PALLD: variants seen among roughly 807,000 people sequenced by gnomAD.
PALLD encodes the protein palladin.
Under a neutral mutation model 123.5 loss-of-function variants are expected in PALLD, and 61 were observed. The ratio of observed to expected loss-of-function variants is 0.49; its 90% CI spans 0.40 to 0.61. The LOEUF (loss-of-function observed/expected upper bound fraction) is 0.61. PALLD is among the 20% of genes least tolerant of loss of function. PALLD has a pLI of 0.00. For synonymous variants in PALLD, 465 were observed against 496.4 expected (o/e 0.94, Z 0.84); for missense variants, 1,273 against 1,377.0 (o/e 0.92, Z 1.20).
At chr4:168,507,298 G>C (rs573043765) in intron 1 of PALLD, 1 of 176,686 alleles carries the variant, frequency 5.7e-6, no homozygotes, top group South Asian at 2.0e-4. Flanking sequence ...CAATTACCAA[G>C]TTCTTTCCTT....
intron 2 of PALLD, among the ~76,000 whole-genome samples, chr4:168,519,145 A>C (rs2149447709): frequency 6.6e-6 from 1 of 152,324 alleles, no homozygotes; most frequent in East Asian, 1.9e-4. Flanking sequence ...AGTAGTACAG[A>C]GAAATGTGTG....
chr4:168,584,105 C>A (rs1770566513), intron 2 of PALLD, among the ~76,000 whole-genome samples: 2 of 152,152 alleles, frequency 1.3e-5, no homozygotes, highest in South Asian at 4.1e-4. Context: ...TATCCCTATC[C>A]CACTTTTATT....
At position 168,858,797 on chromosome 4, in the gene PALLD, T is replaced by TAA. The variant is rs35301228; in HGVS notation, c.1965-32115_1965-32114dup. On this transcript the variant is annotated intron_variant, in intron 10 of 21. Coordinates refer to ENST00000505667, the MANE Select transcript of PALLD (RefSeq NM_001166108.2). ...ACCCAGTCTCAAAAAAAATAAAAAT[T>TAA]AAAAAAAAAAATCCAGAGTGGGCTT... Among the ~76,000 whole-genome samples the TAA allele has an allele frequency of 1.0e-3, 156 of 149,026 alleles. 2 individuals are homozygous for TAA. The highest frequency in any genetic ancestry group is 7.0e-3 in the Middle Eastern group (2 of 286).
At chr4:168,888,810 C>T (rs1031927527) in intron 10 of PALLD, among the ~76,000 whole-genome samples, 1 of 152,106 alleles carries the variant, frequency 6.6e-6, no homozygotes, top group African/African-American at 2.4e-5. Context: ...GGTGAACACT[C>T]AGCAAAATTA....
intron 10 of PALLD, among the ~76,000 whole-genome samples, chr4:168,835,071 T>C (rs1744938422): frequency 6.6e-6 from 1 of 152,234 alleles, no homozygotes; most frequent in South Asian, 2.1e-4. Context: ...GTCCAAACAA[T>C]TGTTGATTTC....
intron 9 of PALLD, 144 bp from the exon 10 acceptor site, chr4:168,711,437 C>T (rs1489609291): frequency 1.5e-6 from 1 of 684,112 alleles, no homozygotes; most frequent in Non-Finnish European, 2.6e-6. Flanking sequence ...GGCAGTGCTT[C>T]TGCGTCAGAT....
At chr4:168,526,465 G>A (rs1764056361) in intron 2 of PALLD, among the ~76,000 whole-genome samples, 2 of 152,148 alleles carry the variant, frequency 1.3e-5, no homozygotes, top group South Asian at 4.1e-4. Flanking sequence ...GAGGAGTTGG[G>A]TTCATCTTCT....
At chr4:168,794,518 A>ATG (rs1738200462) in intron 10 of PALLD, among the ~76,000 whole-genome samples, 2 of 148,022 alleles carry the variant, frequency 1.4e-5, no homozygotes, top group Admixed American at 6.7e-5. Flanking sequence ...ACACACACAC[A>ATG]CACACACACA....
At chr4:168,860,550 G>T (rs922612366) in intron 10 of PALLD, among the ~76,000 whole-genome samples, 3 of 152,196 alleles carry the variant, frequency 2.0e-5, no homozygotes, top group African/African-American at 4.8e-5. Context: ...AGAGCCAGGC[G>T]CAGTGGCTAC....
chr4:168,681,540 ATTT>A (rs34328020), intron 4 of PALLD, 142 bp downstream of exon 4: 9,240 of 329,364 alleles, frequency 0.028, 38 homozygotes, highest in African/African-American at 0.065. Context: ...TTGGAACACA[ATTT>A]TTTTTTTTTT....
At chr4:168,538,586 T>C (rs1459437446) in intron 2 of PALLD, among the ~76,000 whole-genome samples, 1 of 152,162 alleles carries the variant, frequency 6.6e-6, no homozygotes, top group African/African-American at 2.4e-5. Flanking sequence ...CTGTGACAGG[T>C]CATTCCAGAA....
chr4:168,553,816 C>T (rs1177038739), intron 2 of PALLD, among the ~76,000 whole-genome samples: 2 of 152,076 alleles, frequency 1.3e-5, no homozygotes, highest in Non-Finnish European at 2.9e-5. Context: ...CATTTTTCCT[C>T]TTACTGGAAT....
intron 10 of PALLD, among the ~76,000 whole-genome samples, chr4:168,729,216 G>A (rs1786905424): frequency 6.6e-6 from 1 of 152,080 alleles, no homozygotes; most frequent in African/African-American, 2.4e-5. Context: ...TACATCATGG[G>A]CAACTACTGT....
chr4:168,663,048 A>G lies in PALLD; in HGVS notation c.909-5142A>G, dbSNP rs577146229. ...CCTCTCTCCATATATATTTTAAAGCACAAACTGTGGCCGATATTAAACTAT... is the reference window on the plus strand; with the variant it reads ...CCTCTCTCCATATATATTTTAAAGCGCAAACTGTGGCCGATATTAAACTAT... On this transcript the variant is annotated intron_variant, in intron 2 of 21. Coordinates refer to ENST00000505667, the MANE Select transcript of PALLD (RefSeq NM_001166108.2). Among the ~76,000 whole-genome samples the G allele has an allele frequency of 8.5e-5, 13 of 152,356 alleles. No individual in the cohort carries two copies. The South Asian group carries it at 2.7e-3, about 32-fold the overall frequency.
intron 2 of PALLD, among the ~76,000 whole-genome samples, chr4:168,589,038 T>C (rs951413241): frequency 6.6e-6 from 1 of 152,198 alleles, no homozygotes. Flanking sequence ...CACTAGGTAA[T>C]AGGACAACAG....
chr4:168,781,392 G>A (rs1735903684), intron 10 of PALLD, among the ~76,000 whole-genome samples: 1 of 152,228 alleles, frequency 6.6e-6, no homozygotes, highest in Non-Finnish European at 1.5e-5. Flanking sequence ...CCAGGAGCCA[G>A]CAGCTGGAGA....
intron 10 of PALLD, among the ~76,000 whole-genome samples, chr4:168,762,474 A>C (rs543649270): frequency 1.2e-4 from 18 of 151,518 alleles, no homozygotes; most frequent in East Asian, 5.8e-4. Context: ...ACCCTATCCC[A>C]AAAAAAAAGA....
At chr4:168,756,791 C>CA (rs1182438355) in intron 10 of PALLD, among the ~76,000 whole-genome samples, 2 of 152,164 alleles carry the variant, frequency 1.3e-5, no homozygotes. Flanking sequence ...ACTTGAGAGT[C>CA]ACCACAGGAG....
intron 2 of PALLD, among the ~76,000 whole-genome samples, chr4:168,654,482 CTG>C (rs1419793648): frequency 2.0e-5 from 3 of 152,114 alleles, no homozygotes; most frequent in Non-Finnish European, 4.4e-5. Flanking sequence ...ATAACGAAAA[CTG>C]TATTTTTCAA....
Sources: allele counts gnomAD v4.1 joint callset (sites outside exome capture counted in the v4.1 genomes callset), GRCh38; gene constraint gnomAD v4.1.1; transcripts MANE v1.5; gene names NCBI Gene and HGNC (gene_info 2026-07-23, HGNC 2026-07-21).